The following TRIM67 variants were observed in gnomAD, a reference collection of about 807,000 sequenced individuals.
TRIM67 encodes tripartite motif containing 67.
TRIM67 carries 39 observed loss-of-function variants against 71.0 expected under a neutral mutation model. The ratio of observed to expected loss-of-function variants is 0.55; its 90% confidence interval spans 0.43 to 0.72. The LOEUF (loss-of-function observed/expected upper bound fraction) is 0.72, where lower values mean the gene tolerates loss of function less well. Ranked by LOEUF, TRIM67 falls within the 30% of genes least tolerant of loss-of-function variation. The pLI is 0.00. For synonymous variants in TRIM67, 481 were observed against 473.9 expected (o/e 1.01, Z -0.19); for missense variants, 973 against 1,079.2 (o/e 0.90, Z 1.38).
intron 1 of TRIM67, 99 bp from the exon 2 acceptor site, chr1:231,197,272 C>T: frequency 1.1e-6 from 1 of 932,994 alleles, no homozygotes; most frequent in Non-Finnish European, 1.7e-6. Flanking sequence ...TGGGATCAGT[C>T]CTATCCCCTC....
In TRIM67 at chr1:231,217,493, A is replaced by C. The variant is rs569034404; in HGVS notation, c.*2053A>C. 1.0e-6 allele frequency: 1 copy of C among 1,004,678 alleles called. No homozygotes were observed. Among genetic ancestry groups the C allele is most frequent in the South Asian group, 4.3e-5 (1 of 23,434 alleles). The allele number at this position is 1,004,678 out of a possible 1,614,324, so 62.2% of individuals were successfully genotyped here. On this transcript the variant is annotated 3_prime_UTR_variant, in exon 10 of 10. Coordinates refer to ENST00000366653, the MANE Select transcript of TRIM67 (RefSeq NM_001004342.5). ...GCTCTGGGTGGCCTTTGCTTGGAGC[A>C]TGGAGACGATCCCTAAAGATTGAGG...
chr1:231,202,972 T>C (rs1375137505), intron 5 of TRIM67, among the ~76,000 whole-genome samples: 6 of 152,190 alleles, frequency 3.9e-5, no homozygotes, highest in African/African-American at 1.4e-4. Flanking sequence ...TGGTCAGCGT[T>C]CAGAGAGGAA....
intron 4 of TRIM67, 137 bp from the exon 5 acceptor site, chr1:231,201,221 C>A: frequency 1.2e-6 from 1 of 844,146 alleles, no homozygotes; most frequent in Non-Finnish European, 1.8e-6. Flanking sequence ...GTCATTTAAT[C>A]TCTGCCATGG....
intron 1 of TRIM67, among the ~76,000 whole-genome samples, chr1:231,179,732 G>T (rs1484373466): frequency 6.6e-6 from 1 of 152,200 alleles, no homozygotes; most frequent in Non-Finnish European, 1.5e-5. Flanking sequence ...AACTCAAGTA[G>T]GTTAAGCCCA....
In TRIM67 at chr1:231,163,055, C is replaced by T. The variant is rs761203094; in HGVS notation, c.86C>T (p.Pro29Leu). 6.2e-7 allele frequency: 1 copy of T among 1,608,964 alleles called. No individual in the cohort carries two copies. Among genetic ancestry groups the T allele is most frequent in the Non-Finnish European group, 8.5e-7 (1 of 1,177,878 alleles). The change falls in exon 1 of 10, where the codon CCT becomes CTT. Residue 29 changes from proline (P) to leucine (L), a missense_variant. Physicochemically the swap from Pro to Leu is moderately conservative, Grantham distance 98. Transcript: ENST00000366653. ...ILPCSHNVCL[P>L]CARTIAVQTP... ...CCCTGTTCCCACAATGTCTGCCTGCCTTGCGCTCGCACCATCGCGGTGCAG... is the reference window on the plus strand; with the variant it reads ...CCCTGTTCCCACAATGTCTGCCTGCTTTGCGCTCGCACCATCGCGGTGCAG...
Position 231,203,899 on chromosome 1 carries a change from T to C in TRIM67, c.1567T>C (p.Cys523Arg). ...PPVPLLQLEK[C>R]CTRNNSVTLA... is the part of the protein sequence containing the mutation. ...CGTCCCCCTACTGCAGCTGGAGAAA[T>C]GCTGCACCCGTAACAACAGCGTCAC... Residue 523 changes from cysteine (C) to arginine (R), a missense_variant, in exon 6 of 10, where the codon TGC (cysteine) becomes CGC (arginine). Around this residue, in one of 2 missense-constraint regions of TRIM67, gnomAD observed 795 missense variants for 831.3 expected, o/e 0.96. Transcript: ENST00000366653. The C allele has an allele frequency of 1.2e-6, 2 of 1,613,884 alleles. No individual in the cohort carries two copies. The highest frequency in any genetic ancestry group is 1.1e-5 in the South Asian group (1 of 91,060).
chr1:231,172,900 C>T (rs1682652506), intron 1 of TRIM67, among the ~76,000 whole-genome samples: 1 of 152,214 alleles, frequency 6.6e-6, no homozygotes, highest in African/African-American at 2.4e-5. Context: ...TTATGGTTGG[C>T]TTTACCTATC....
intron 1 of TRIM67, among the ~76,000 whole-genome samples, chr1:231,165,908 G>C (rs1193509412): frequency 1.3e-5 from 2 of 152,188 alleles, no homozygotes; most frequent in Non-Finnish European, 2.9e-5. Context: ...AATTAGTGAA[G>C]AGTGGAAACC....
rs533493170 is a variant in TRIM67, at chr1:231,220,783, C to G, written c.*5343C>G. 6.6e-6 allele frequency: 1 copy of G among 152,280 alleles called. No homozygotes were observed. Among genetic ancestry groups the G allele is most frequent in the Non-Finnish European group, 1.5e-5 (1 of 68,108 alleles). The allele number at this position is 152,280 out of a possible 1,614,324, so 9.4% of individuals were successfully genotyped here. A position where few individuals can be genotyped will look rare whatever the true frequency, so the allele number is the denominator to read the frequency against. On this transcript the variant is annotated 3_prime_UTR_variant, in exon 10 of 10. Coordinates refer to ENST00000366653, the MANE Select transcript of TRIM67 (RefSeq NM_001004342.5). ...CCAGGGAAGTCTCGTCCGGATCCATCGCTCTTCTCTCAAGGAGCACAGTCC... is the reference window on the plus strand; with the variant it reads ...CCAGGGAAGTCTCGTCCGGATCCATGGCTCTTCTCTCAAGGAGCACAGTCC...
At chr1:231,214,778 CAAAAAAAAAAA>C (rs748778482) in intron 9 of TRIM67, among the ~76,000 whole-genome samples, 2 of 43,928 alleles carry the variant, frequency 4.6e-5, no homozygotes, top group Admixed American at 2.3e-4. Context: ...GACTTCATCT[CAAAAAAAAAAA>C]AAAAAAAAAA....
chr1:231,171,594 G>C (rs1682620890), intron 1 of TRIM67, among the ~76,000 whole-genome samples: 1 of 152,054 alleles, frequency 6.6e-6, no homozygotes, highest in Non-Finnish European at 1.5e-5. Flanking sequence ...GACATTGGGA[G>C]GGGGCTTTAG....
In TRIM67 at chr1:231,218,007, T is replaced by C; in HGVS notation, c.*2567T>C. 1 of 1,198,830 alleles carries C rather than the reference T, an allele frequency of 8.3e-7. No individual in the cohort carries two copies. The highest frequency in any genetic ancestry group is 1.1e-6 in the Non-Finnish European group (1 of 945,730). 74.3% of individuals were successfully genotyped at this position (1,198,830 alleles called of 1,614,324 possible). A position where few individuals can be genotyped will look rare whatever the true frequency, so the allele number is the denominator to read the frequency against. ...AGGAGCCCAGAAGCAATACGGCCGATGCCAGGGACAGCATCCAGCTCTCCT... is the reference window on the plus strand; with the variant it reads ...AGGAGCCCAGAAGCAATACGGCCGACGCCAGGGACAGCATCCAGCTCTCCT... On this transcript the variant is annotated 3_prime_UTR_variant, in exon 10 of 10. Transcript: ENST00000366653.
At chr1:231,203,115 T>G (rs548271279) in intron 5 of TRIM67, among the ~76,000 whole-genome samples, 3 of 152,180 alleles carry the variant, frequency 2.0e-5, no homozygotes, top group Admixed American at 6.5e-5. Flanking sequence ...AAATATGTAC[T>G]TTTAACAAAA....
intron 1 of TRIM67, among the ~76,000 whole-genome samples, chr1:231,196,215 G>T (rs769845695): frequency 3.3e-5 from 5 of 152,198 alleles, no homozygotes; most frequent in Non-Finnish European, 7.3e-5. Context: ...CAGAGACCTG[G>T]GAGGGGACTT....
At position 231,167,319 on chromosome 1, in the gene TRIM67, C is replaced by CTTTTTTTTTTTTTTTT. The variant is rs1159766852; in HGVS notation, c.1044+3312_1044+3327dup. On this transcript the variant is annotated intron_variant, in intron 1 of 9. Coordinates refer to ENST00000366653, the MANE Select transcript of TRIM67 (RefSeq NM_001004342.5). ...ACAGGACTTTTGATCACTCTAATGT[C>CTTTTTTTTTTTTTTTT]TTTTTTTTTTTTTTTTTTTTTGAGA... Among the ~76,000 whole-genome samples the CTTTTTTTTTTTTTTTT allele has an allele frequency of 2.1e-4, 11 of 51,844 alleles. 1 individual carries two copies. Among genetic ancestry groups the CTTTTTTTTTTTTTTTT allele is most frequent in the Admixed American group, 3.9e-4 (2 of 5,158 alleles). The allele number at this position is 51,844 out of a possible 152,430, so 34.0% of individuals were successfully genotyped here.
chr1:231,211,331 C>G (rs1362284530), intron 8 of TRIM67, among the ~76,000 whole-genome samples: 1 of 152,146 alleles, frequency 6.6e-6, no homozygotes, highest in South Asian at 2.1e-4. Context: ...GTAGAGAGAA[C>G]CTGCCCCTGT....
Position 231,204,012 on chromosome 1 carries a change from G to C in TRIM67, c.1680G>C (p.Arg560=). The part of the protein sequence containing the change: ...ELDDGAGGQF[R]EVYVGKETLC... ...ACGACGGTGCCGGGGGACAGTTCCG[G>C]GTGAGGCCTTGCTGCTTATTTGGCG... The change falls in exon 6 of 10, where the codon CGG becomes CGC. Residue 560 remains arginine (R), a splice_region_variant and synonymous_variant. Coordinates refer to ENST00000366653, the MANE Select transcript of TRIM67 (RefSeq NM_001004342.5). 6.2e-7 allele frequency: 1 copy of C among 1,613,912 alleles called. No homozygotes were observed. The highest frequency in any genetic ancestry group is 8.5e-7 in the Non-Finnish European group (1 of 1,179,844).
intron 1 of TRIM67, among the ~76,000 whole-genome samples, chr1:231,178,038 G>T (rs561360957): frequency 7.9e-5 from 12 of 152,332 alleles, no homozygotes; most frequent in Non-Finnish European, 1.3e-4. Context: ...TATGGAAAAT[G>T]AGAAGAGGAG....
chr1:231,217,114 C>G lies in TRIM67; in HGVS notation c.*1674C>G, dbSNP rs150659600. On this transcript the variant is annotated 3_prime_UTR_variant, in exon 10 of 10. Coordinates refer to ENST00000366653, the MANE Select transcript of TRIM67 (RefSeq NM_001004342.5). ...CTGCCGGAGCCATGCAGGTACCCCC[C>G]CTCCACTCAGCAGGCCCGACAATCC... 3.8e-4 allele frequency: 374 copies of G among 985,958 alleles called. No individual in the cohort carries two copies. The highest frequency in any genetic ancestry group is 4.4e-4 in the Non-Finnish European group (366 of 830,020). The allele number at this position is 985,958 out of a possible 1,614,324, so 61.1% of individuals were successfully genotyped here.
Sources: gnomAD v4.1 joint callset for allele counts (sites outside exome capture counted in the v4.1 genomes callset) on GRCh38, gnomAD v4.1.1 for gene constraint, gnomAD v4.1.1 regional missense constraint, MANE v1.5 for transcripts, NCBI Gene and HGNC (gene_info 2026-07-23, HGNC 2026-07-21) for gene names.